Variants in PAPOLA observed in about 807,000 individuals in gnomAD.
The protein encoded by PAPOLA is poly(A) polymerase alpha, also known as polynucleotide adenylyltransferase alpha.
In PAPOLA, 15 loss-of-function variants were observed where a neutral mutation model predicts 100.6. The ratio of observed to expected loss-of-function variants is 0.15; its 90% CI spans 0.10 to 0.23. The LOEUF is 0.23. PAPOLA is among the 10% of genes least tolerant of loss of function. The probability of loss-of-function intolerance (pLI) is 1.00; values close to 1 mark genes in which losing one functional copy is unlikely to be tolerated. For missense variants in PAPOLA, 533 were observed against 884.2 expected (o/e 0.60, Z 5.04); for synonymous variants, 293 against 300.0 (o/e 0.98, Z 0.24).
intron 1 of PAPOLA, among the ~76,000 whole-genome samples, chr14:96,507,054 C>T (rs1896763294): frequency 6.6e-6 from 1 of 152,104 alleles, no homozygotes; most frequent in South Asian, 2.1e-4. Flanking sequence ...AAGTTCAAGA[C>T]CAGCCTGGGT....
intron 13 of PAPOLA, 30 bp from the exon 14 acceptor site, chr14:96,542,744 T>C: frequency 6.4e-7 from 1 of 1,571,714 alleles, no homozygotes; most frequent in Non-Finnish European, 8.6e-7. Flanking sequence ...AACCAAAACT[T>C]TTTGTTAATA....
intron 1 of PAPOLA, among the ~76,000 whole-genome samples, chr14:96,510,332 C>G (rs1171777631): frequency 6.6e-6 from 1 of 151,880 alleles, no homozygotes; most frequent in Non-Finnish European, 1.5e-5. Context: ...CGTACTTTTT[C>G]AGGTCCTGTT....
At chr14:96,537,097 T>G in intron 12 of PAPOLA, 37 bp downstream of exon 12, 3 of 1,092,608 alleles carry the variant, frequency 2.7e-6, no homozygotes, top group Non-Finnish European at 4.3e-6. Context: ...TGTTGCTCTC[T>G]TAAGTAATGG....
Position 96,542,372 on chromosome 14 carries a change from TGGGA to T in PAPOLA, c.1169+79_1169+82del, listed in dbSNP as rs1224608352. On this transcript the variant is annotated intron_variant, in intron 13 of 21. Coordinates refer to ENST00000216277, the MANE Select transcript of PAPOLA (RefSeq NM_032632.5). ...CATAGCCACTGAACACAGTAGGAGA[TGGGA>T]GGAAGTCCTTAAAACTTCTAGTTTG... 64 of 857,120 alleles carry T rather than the reference TGGGA, an allele frequency of 7.5e-5. No homozygotes were observed. In the South Asian group the frequency reaches 8.9e-4, roughly 12 times the overall value. The allele number at this position is 857,120 out of a possible 1,614,324, so 53.1% of individuals were successfully genotyped here. A position where few individuals can be genotyped will look rare whatever the true frequency, so the allele number is the denominator to read the frequency against.
At chr14:96,540,345 A>G (rs914861334) in intron 12 of PAPOLA, among the ~76,000 whole-genome samples, 2 of 150,990 alleles carry the variant, frequency 1.3e-5, no homozygotes, top group Admixed American at 6.6e-5. Context: ...CCTGATTTCT[A>G]TACTTCATTG....
intron 15 of PAPOLA, 130 bp from the exon 16 acceptor site, chr14:96,547,667 T>G: frequency 1.6e-6 from 1 of 643,182 alleles, no homozygotes; most frequent in Non-Finnish European, 2.6e-6. Flanking sequence ...TAGGAATAGG[T>G]CTTGACCGAT....
At chr14:96,543,441 T>C (rs531930154) in intron 14 of PAPOLA, among the ~76,000 whole-genome samples, 25 of 152,096 alleles carry the variant, frequency 1.6e-4, no homozygotes, top group South Asian at 6.2e-4. Context: ...CTCTATACTT[T>C]GTTGCATTGG....
At chr14:96,550,754 G>C (rs1900784848) in intron 16 of PAPOLA, among the ~76,000 whole-genome samples, 1 of 152,098 alleles carries the variant, frequency 6.6e-6, no homozygotes, top group African/African-American at 2.4e-5. Flanking sequence ...AGATCATTTA[G>C]ATTATTTCTA....
At chr14:96,561,158 A>G (rs1320082823) in intron 20 of PAPOLA, among the ~76,000 whole-genome samples, 1 of 152,194 alleles carries the variant, frequency 6.6e-6, no homozygotes, top group East Asian at 1.9e-4. Flanking sequence ...TTATGATTAT[A>G]GAAGCAGTTT....
chr14:96,556,537 T>G, intron 19 of PAPOLA, 124 bp downstream of exon 19: 1 of 712,826 alleles, frequency 1.4e-6, no homozygotes, highest in Non-Finnish European at 2.4e-6. Flanking sequence ...TTTAGAAAAT[T>G]TTAGGTGTGT....
chr14:96,562,297 T>C (rs1901919004), intron 20 of PAPOLA, among the ~76,000 whole-genome samples: 1 of 152,158 alleles, frequency 6.6e-6, no homozygotes, highest in Non-Finnish European at 1.5e-5. Flanking sequence ...TGTTTTCTGA[T>C]GAGTAGAATC....
intron 1 of PAPOLA, among the ~76,000 whole-genome samples, chr14:96,517,494 C>G (rs535265493): frequency 3.3e-5 from 5 of 152,120 alleles, no homozygotes; most frequent in African/African-American, 1.2e-4. Flanking sequence ...TGCATATGTC[C>G]AAACTCACCA....
intron 19 of PAPOLA, among the ~76,000 whole-genome samples, chr14:96,557,860 C>T (rs1901492928): frequency 6.6e-6 from 1 of 151,450 alleles, no homozygotes; most frequent in Non-Finnish European, 1.5e-5. Flanking sequence ...ACTTTAAATC[C>T]CCCAGATTAC....
In PAPOLA at chr14:96,520,211, A is replaced by G; in HGVS notation, c.165A>G (p.Glu55=). 6.2e-7 allele frequency: 1 copy of G among 1,612,550 alleles called. No individual in the cohort carries two copies. The highest frequency in any genetic ancestry group is 8.5e-7 in the Non-Finnish European group (1 of 1,179,302). Residue 55 remains glutamate, a synonymous_variant, in exon 2 of 22, where the codon GAA becomes GAG. Transcript: ENST00000216277. ...AACCCTTTGGGGTTTTTGAAGAGGA[A>G]GAGGAACTGCAGCGCAGGTAAATAG... ...TLKPFGVFEE[E]EELQRRILIL...
Position 96,542,873 on chromosome 14 carries a change from A to G in PAPOLA, c.1269A>G (p.Ala423=), listed in dbSNP as rs1472524733. 3 of 1,611,992 alleles carry G rather than the reference A, an allele frequency of 1.9e-6. No individual in the cohort carries two copies. The highest frequency in any genetic ancestry group is 1.7e-6 in the Non-Finnish European group (2 of 1,179,426). The change falls in exon 14 of 22, where the codon GCA becomes GCG. Residue 423 remains alanine (A), a synonymous_variant. Coordinates refer to ENST00000216277, the MANE Select transcript of PAPOLA (RefSeq NM_032632.5). ...ATGTGAATCCCCAGTCATTTCCAGC[A>G]CCCAAAGAAAATCCCGACAAGTAAG... ...LAHVNPQSFP[A]PKENPDKEEF...
intron 17 of PAPOLA, among the ~76,000 whole-genome samples, chr14:96,554,255 G>T (rs1236397005): frequency 6.6e-6 from 1 of 152,180 alleles, no homozygotes; most frequent in Non-Finnish European, 1.5e-5. Flanking sequence ...TATGTACTAG[G>T]CACCTTGCTA....
intron 19 of PAPOLA, 50 bp downstream of exon 19, chr14:96,556,463 AT>A: frequency 8.5e-7 from 1 of 1,177,094 alleles, no homozygotes; most frequent in Non-Finnish European, 1.2e-6. Context: ...CCAACTGCCT[AT>A]TTTTAAATCC....
rs1244902966 is a variant in PAPOLA at position 96,502,387 on chromosome 14, G to A, written c.-206G>A. 4.3e-6 allele frequency: 3 copies of A among 697,912 alleles called. No homozygotes were observed. The highest frequency in any genetic ancestry group is 7.8e-6 in the Non-Finnish European group (3 of 382,954). 43.2% of individuals were successfully genotyped at this position (697,912 alleles called of 1,614,324 possible). On this transcript the variant is annotated 5_prime_UTR_variant, in exon 1 of 22. Transcript: ENST00000216277. ...GTGGTGGCGTCAGCAGTTCTAGAAC[G>A]TTGCTGTGGTAGCGCTCGGGCGCCA... is the stretch of plus-strand genomic sequence containing the variant.
chr14:96,532,148 T>C (rs1899074610), intron 7 of PAPOLA, 183 bp from the exon 8 acceptor site: 3 of 1,378,992 alleles, frequency 2.2e-6, no homozygotes, highest in South Asian at 3.6e-5. Context: ...TTTTTCCCCC[T>C]CTTTATTGAA....
Sources: gnomAD v4.1 joint callset for allele counts (sites outside exome capture counted in the v4.1 genomes callset) on GRCh38, gnomAD v4.1.1 for gene constraint, MANE v1.5 for transcripts, NCBI Gene and HGNC (gene_info 2026-07-23, HGNC 2026-07-21) for gene names.